CDH13: variants seen among roughly 807,000 people sequenced by gnomAD.
CDH13 encodes cadherin 13.
In CDH13, 24 loss-of-function variants were observed where a neutral mutation model predicts 63.8. The ratio of observed to expected loss-of-function variants is 0.38; its 90% CI spans 0.27 to 0.53. The LOEUF (loss-of-function observed/expected upper bound fraction) is 0.53, where lower values mean the gene tolerates loss of function less well. CDH13 is among the 20% of genes least tolerant of loss of function. CDH13 has a pLI of 0.85. For missense variants in CDH13, 1,049 were observed against 903.1 expected (o/e 1.16, Z -2.07); for synonymous variants, 503 against 355.3 (o/e 1.42, Z -4.67).
At chr16:83,520,634 T>G (rs988307815) in intron 7 of CDH13, among the ~76,000 whole-genome samples, 1 of 152,208 alleles carries the variant, frequency 6.6e-6, no homozygotes, top group Non-Finnish European at 1.5e-5. Context: ...CGGAAGTGTT[T>G]ATGTTTGCCG....
intron 3 of CDH13, among the ~76,000 whole-genome samples, chr16:83,117,709 T>C (rs984392621): frequency 1.3e-5 from 2 of 152,178 alleles, no homozygotes; most frequent in African/African-American, 4.8e-5. Flanking sequence ...GAATCTATTC[T>C]CTCGCTCCTT....
chr16:83,230,950 G>A (rs1416834654), intron 5 of CDH13, among the ~76,000 whole-genome samples: 2 of 152,184 alleles, frequency 1.3e-5, no homozygotes, highest in Non-Finnish European at 2.9e-5. Context: ...CATATGCCGG[G>A]AGACATCCTC....
At chr16:83,472,739 G>T (rs958255217) in intron 6 of CDH13, among the ~76,000 whole-genome samples, 1 of 152,208 alleles carries the variant, frequency 6.6e-6, no homozygotes, top group Non-Finnish European at 1.5e-5. Context: ...AAATGAAACA[G>T]ATTATTCATA....
At chr16:82,843,447 A>G (rs929485064) in intron 1 of CDH13, among the ~76,000 whole-genome samples, 1 of 152,226 alleles carries the variant, frequency 6.6e-6, no homozygotes, top group Non-Finnish European at 1.5e-5. Flanking sequence ...ATGTATTCAT[A>G]TACTCCGACC....
chr16:83,475,964 T>A (rs1464515626), intron 6 of CDH13, among the ~76,000 whole-genome samples: 1 of 152,232 alleles, frequency 6.6e-6, no homozygotes, highest in Non-Finnish European at 1.5e-5. Context: ...ATAAGCCCAT[T>A]GTTCAGAATT....
chr16:83,438,337 G>T (rs757993482), intron 6 of CDH13, among the ~76,000 whole-genome samples: 4 of 152,192 alleles, frequency 2.6e-5, no homozygotes, highest in African/African-American at 7.2e-5. Flanking sequence ...GCTCCCCATT[G>T]TTGCCTAAAC....
chr16:83,699,063 G>T (rs1459889545), intron 10 of CDH13, among the ~76,000 whole-genome samples: 2 of 152,240 alleles, frequency 1.3e-5, no homozygotes, highest in Non-Finnish European at 2.9e-5. Flanking sequence ...ATCTCATCCA[G>T]TGGTTTCCTC....
chr16:83,413,077 T>A (rs1159183308), intron 6 of CDH13, among the ~76,000 whole-genome samples: 2 of 152,214 alleles, frequency 1.3e-5, no homozygotes, highest in Non-Finnish European at 2.9e-5. Context: ...ACTTAATACA[T>A]CATAGCATCA....
At chr16:82,775,061 G>A (rs2035434318) in intron 1 of CDH13, among the ~76,000 whole-genome samples, 1 of 152,236 alleles carries the variant, frequency 6.6e-6, no homozygotes, top group African/African-American at 2.4e-5. Context: ...AAGGAGAGTA[G>A]AATAGGGTAT....
intron 1 of CDH13, among the ~76,000 whole-genome samples, chr16:82,851,054 C>T (rs1280402896): frequency 6.6e-6 from 1 of 152,172 alleles, no homozygotes; most frequent in Non-Finnish European, 1.5e-5. Flanking sequence ...CCTGTACATG[C>T]AGCTTCCCTG....
intron 3 of CDH13, among the ~76,000 whole-genome samples, chr16:83,111,151 G>A (rs11641346): frequency 1.3e-5 from 2 of 151,258 alleles, no homozygotes; most frequent in African/African-American, 2.4e-5. Context: ...CAGCCTGGGC[G>A]ACAGAGCGGG....
intron 4 of CDH13, among the ~76,000 whole-genome samples, chr16:83,145,019 C>T (rs762081219): frequency 2.6e-5 from 4 of 152,078 alleles, no homozygotes; most frequent in Non-Finnish European, 5.9e-5. Context: ...CAAATGGAGA[C>T]GCCGTGGCTA....
chr16:82,880,645 T>A (rs542753985), intron 2 of CDH13, among the ~76,000 whole-genome samples: 4 of 152,354 alleles, frequency 2.6e-5, no homozygotes, highest in African/African-American at 9.6e-5. Context: ...GGTGCCTGAT[T>A]AGCAAGCCTG....
intron 1 of CDH13, among the ~76,000 whole-genome samples, chr16:82,780,711 C>A (rs72805944): frequency 0.29 from 44,343 of 152,110 alleles, 6,945 homozygotes; most frequent in South Asian, 0.44. Context: ...TGATTAGCTA[C>A]TTTTTTAAAT....
At chr16:82,935,803 A>T (rs1007263506) in intron 2 of CDH13, among the ~76,000 whole-genome samples, 23 of 152,096 alleles carry the variant, frequency 1.5e-4, no homozygotes, top group African/African-American at 4.8e-4. Context: ...AGGAAAATTT[A>T]GGTCATGGAC....
chr16:82,990,602 A>G (rs1478425057), intron 2 of CDH13, among the ~76,000 whole-genome samples: 4 of 147,782 alleles, frequency 2.7e-5, no homozygotes, highest in Non-Finnish European at 5.9e-5. Context: ...GCTGGAGTGC[A>G]GTGGCACAAT....
chr16:82,778,124 C>T (rs1278253440), intron 1 of CDH13, among the ~76,000 whole-genome samples: 1 of 152,180 alleles, frequency 6.6e-6, no homozygotes, highest in Admixed American at 6.5e-5. Flanking sequence ...GGGAGCCAGC[C>T]ACTGCCTACT....
chr16:83,753,590 A>G (rs377379909), intron 11 of CDH13, among the ~76,000 whole-genome samples: 1 of 152,132 alleles, frequency 6.6e-6, no homozygotes, highest in African/African-American at 2.4e-5. Context: ...ACTTTATCCA[A>G]AGTGAGCATT....
intron 4 of CDH13, among the ~76,000 whole-genome samples, chr16:83,179,882 T>C (rs1427556712): frequency 1.3e-5 from 2 of 148,530 alleles, no homozygotes; most frequent in Non-Finnish European, 2.9e-5. Context: ...CCTATCAAAA[T>C]AGGTTAAGTT....
Sources: allele counts gnomAD v4.1 joint callset (sites outside exome capture counted in the v4.1 genomes callset), GRCh38; gene constraint gnomAD v4.1.1; transcripts MANE v1.5; gene names NCBI Gene and HGNC (gene_info 2026-07-23, HGNC 2026-07-21).